DOCK4: variants seen among roughly 807,000 people sequenced by gnomAD.
DOCK4 encodes dedicator of cytokinesis 4, also known as dedicator of cytokinesis protein 4.
In DOCK4, 97 loss-of-function variants were observed where a neutral mutation model predicts 268.1. The observed-to-expected ratio is 0.36, with a 90% CI of 0.31 to 0.43. The LOEUF is 0.43. Among genes scored for constraint, DOCK4 ranks in the 20% least tolerant of loss-of-function variants. The pLI is 1.00. For missense variants in DOCK4, 2,145 were observed against 2,455.7 expected (o/e 0.87, Z 2.67); for synonymous variants, 954 against 887.2 (o/e 1.08, Z -1.34).
At chr7:111,822,538 T>C in intron 26 of DOCK4, 82 bp from the exon 27 acceptor site, 1 of 1,181,074 alleles carries the variant, frequency 8.5e-7, no homozygotes, top group South Asian at 1.4e-5. Flanking sequence ...GCAGTACTGT[T>C]GTACTGTTAC....
At chr7:111,791,069 A>AC (rs1563509843) in intron 30 of DOCK4, among the ~76,000 whole-genome samples, 1 of 83,990 alleles carries the variant, frequency 1.2e-5, no homozygotes, top group African/African-American at 1.2e-4. Context: ...AAAAAAAAAA[A>AC]TTATATATAT....
chr7:112,168,677 T>G (rs1817817860), intron 1 of DOCK4, among the ~76,000 whole-genome samples: 1 of 152,146 alleles, frequency 6.6e-6, no homozygotes, highest in African/African-American at 2.4e-5. Context: ...CATGTCACTG[T>G]ACCCCAGCCT....
At chr7:111,739,941 A>G (rs1038500145) in intron 47 of DOCK4, 2 of 314,866 alleles carry the variant, frequency 6.4e-6, no homozygotes, top group South Asian at 2.4e-5. Flanking sequence ...CATAAATGCC[A>G]TATTAGTAGT....
chr7:111,819,937 G>A (rs1006546132), intron 27 of DOCK4: 3 of 152,194 alleles, frequency 2.0e-5, no homozygotes, highest in South Asian at 2.1e-4. Context: ...CTCCTGCAAC[G>A]TGCTTCAACA....
Position 111,735,201 on chromosome 7 carries a change from T to C in DOCK4, c.5306-34A>G, listed in dbSNP as rs199968453. 7 of 1,424,256 alleles carry C rather than the reference T, an allele frequency of 4.9e-6. No individual in the cohort carries two copies. The Admixed American group carries it at 1.7e-4, about 34-fold the overall frequency. The allele number at this position is 1,424,256 out of a possible 1,614,324, so 88.2% of individuals were successfully genotyped here. On this transcript the variant is annotated intron_variant, in intron 50 of 52. Coordinates refer to ENST00000428084, the MANE Select transcript of DOCK4 (RefSeq NM_001363540.2). ...GAATAACACAGCTAAAAACACACGG[T>C]CCAGCTTTGCCCTTCCAATGCTTGA...
chr7:111,760,755 TG>T (rs1797345797), intron 39 of DOCK4, among the ~76,000 whole-genome samples: 1 of 137,722 alleles, frequency 7.3e-6, no homozygotes, highest in Non-Finnish European at 1.5e-5. Context: ...TGTGTGTGTG[TG>T]TGTGTGTGTG....
At chr7:111,840,624 GC>G in intron 25 of DOCK4, 1 of 181,124 alleles carries the variant, frequency 5.5e-6, no homozygotes, top group East Asian at 1.8e-4. Context: ...TAAAAATAAG[GC>G]CTCTGTTATC....
At chr7:111,797,780 A>G (rs1186960784) in intron 30 of DOCK4, among the ~76,000 whole-genome samples, 1 of 152,212 alleles carries the variant, frequency 6.6e-6, no homozygotes, top group Admixed American at 6.5e-5. Context: ...GACAGATAAG[A>G]ATCCTGTAGC....
At chr7:111,734,124 A>T (rs1250523475) in intron 51 of DOCK4, among the ~76,000 whole-genome samples, 1 of 151,336 alleles carries the variant, frequency 6.6e-6, no homozygotes, top group Non-Finnish European at 1.5e-5. Context: ...TTTTTTTTGT[A>T]GAGATGGGGT....
At position 111,844,807 on chromosome 7, in the gene DOCK4, G is replaced by C; in HGVS notation, c.2692C>G (p.Gln898Glu). 1.2e-6 allele frequency: 2 copies of C among 1,613,740 alleles called. No homozygotes were observed. Among genetic ancestry groups the C allele is most frequent in the Non-Finnish European group, 1.7e-6 (2 of 1,179,742 alleles). The change falls in exon 25 of 53, where the codon CAG becomes GAG. Residue 898 changes from glutamine to glutamate, a missense_variant. Coordinates refer to ENST00000428084, the MANE Select transcript of DOCK4 (RefSeq NM_001363540.2). ...RTILEITSRP[Q>E]PSSSAMRFQF... The stretch of plus-strand genomic sequence containing the variant: ...AACCGCATTGCTGAGCTGGATGGCT[G>C]AGGTCGGCTGGTGATCTCCAATATG...
chr7:111,957,567 A>G (rs1009510098), intron 8 of DOCK4, among the ~76,000 whole-genome samples: 2 of 152,212 alleles, frequency 1.3e-5, no homozygotes, highest in African/African-American at 4.8e-5. Context: ...GCAAAGTTTT[A>G]TCTTTGGAAA....
At chr7:112,023,234 C>A (rs572742415) in intron 1 of DOCK4, among the ~76,000 whole-genome samples, 1 of 152,124 alleles carries the variant, frequency 6.6e-6, no homozygotes, top group African/African-American at 2.4e-5. Context: ...AGCTGAGAAG[C>A]CTTTTCTACG....
chr7:111,829,210 G>A (rs986932056), intron 26 of DOCK4, among the ~76,000 whole-genome samples: 4 of 152,068 alleles, frequency 2.6e-5, no homozygotes, highest in Admixed American at 2.6e-4. Flanking sequence ...TCCATTCTAT[G>A]ACTAGAACTG....
intron 1 of DOCK4, among the ~76,000 whole-genome samples, chr7:112,028,155 TAC>T (rs1449505411): frequency 2.6e-5 from 4 of 152,122 alleles, no homozygotes; most frequent in Non-Finnish European, 5.9e-5. Flanking sequence ...GAGCATGAAG[TAC>T]AGGTCCCAGA....
intron 1 of DOCK4, among the ~76,000 whole-genome samples, chr7:112,175,294 G>T (rs535996726): frequency 6.6e-6 from 1 of 152,240 alleles, no homozygotes; most frequent in South Asian, 2.1e-4. Context: ...TCTCTAAAAT[G>T]TATCCACTGA....
chr7:112,035,091 G>A (rs918869117), intron 1 of DOCK4, among the ~76,000 whole-genome samples: 5 of 152,120 alleles, frequency 3.3e-5, no homozygotes, highest in African/African-American at 1.2e-4. Context: ...CATTCCAGCT[G>A]AGTTCTCCCT....
chr7:111,793,425 C>A (rs1799686159), intron 30 of DOCK4, among the ~76,000 whole-genome samples: 1 of 152,154 alleles, frequency 6.6e-6, no homozygotes, highest in Admixed American at 6.5e-5. Flanking sequence ...CAAAGAGAGA[C>A]AAAGCAGTAG....
intron 1 of DOCK4, 46 bp from the exon 2 acceptor site, chr7:112,004,177 C>T (rs1460336789): frequency 1.4e-6 from 2 of 1,417,872 alleles, no homozygotes; most frequent in Non-Finnish European, 1.9e-6. Flanking sequence ...ATGTCCATTA[C>T]AGCTTATTAT....
chr7:112,136,981 G>A (rs1202850729), intron 1 of DOCK4, among the ~76,000 whole-genome samples: 1 of 152,162 alleles, frequency 6.6e-6, no homozygotes, highest in Non-Finnish European at 1.5e-5. Context: ...AAAAGGCAGA[G>A]TGCCTCCAAT....
Sources: gnomAD v4.1 joint callset for allele counts (sites outside exome capture counted in the v4.1 genomes callset) on GRCh38, gnomAD v4.1.1 for gene constraint, MANE v1.5 for transcripts, NCBI Gene and HGNC (gene_info 2026-07-23, HGNC 2026-07-21) for gene names.